The following STAU2 variants were observed in gnomAD, a reference collection of about 807,000 sequenced individuals.
STAU2 encodes the protein double-stranded RNA-binding protein Staufen homolog 2.
A neutral mutation model predicts 65.9 loss-of-function variants in STAU2; 20 were observed. The ratio of observed to expected loss-of-function variants is 0.30; its 90% CI spans 0.21 to 0.44. The LOEUF is 0.44. Ranked by LOEUF, STAU2 falls within the 20% of genes least tolerant of loss-of-function variation. STAU2 has a pLI of 1.00. For missense variants in STAU2, 558 were observed against 683.9 expected, an observed-to-expected ratio of 0.82 and a Z score of 2.05; for synonymous variants, 232 against 233.9, an observed-to-expected ratio of 0.99 and a Z score of 0.07.
At chr8:73,614,040 C>A in intron 8 of STAU2, 84 bp from the exon 9 acceptor site, 2 of 1,067,886 alleles carry the variant, frequency 1.9e-6, no homozygotes, top group Non-Finnish European at 2.6e-6. Flanking sequence ...CATATCAAAA[C>A]CAAAATTAGT....
chr8:73,605,305 TC>T (rs1811927027), intron 9 of STAU2, among the ~76,000 whole-genome samples: 3 of 149,026 alleles, frequency 2.0e-5, no homozygotes, highest in Non-Finnish European at 3.0e-5. Flanking sequence ...TAGGCTTTTT[TC>T]CTTTTTTTTT....
At chr8:73,642,564 T>C (rs1262178978) in intron 6 of STAU2, among the ~76,000 whole-genome samples, 1 of 152,022 alleles carries the variant, frequency 6.6e-6, no homozygotes, top group Non-Finnish European at 1.5e-5. Flanking sequence ...CTTCTGAAAA[T>C]GAAGACCAAA....
chr8:73,618,815 G>T (rs1813023194), intron 6 of STAU2, among the ~76,000 whole-genome samples: 1 of 152,218 alleles, frequency 6.6e-6, no homozygotes, highest in Admixed American at 6.5e-5. Context: ...GATGAATTTT[G>T]AAAGTAGAGA....
intron 5 of STAU2, among the ~76,000 whole-genome samples, chr8:73,683,712 A>AAT (rs1242519410): frequency 6.6e-6 from 1 of 152,182 alleles, no homozygotes; most frequent in Admixed American, 6.5e-5. Context: ...AGAAAACCCT[A>AAT]AAGACTCAAC....
chr8:73,660,646 G>C (rs559375088), intron 6 of STAU2, among the ~76,000 whole-genome samples: 121 of 152,304 alleles, frequency 7.9e-4, no homozygotes, highest in African/African-American at 2.9e-3. Flanking sequence ...AGCTAGACAA[G>C]GCAGAAGAGG....
chr8:73,543,776 T>C (rs543831762), intron 13 of STAU2, among the ~76,000 whole-genome samples: 1 of 152,296 alleles, frequency 6.6e-6, no homozygotes, highest in South Asian at 2.1e-4. Context: ...ATGAATCCCT[T>C]ACATGTTAGT....
intron 1 of STAU2, among the ~76,000 whole-genome samples, chr8:73,742,045 C>T (rs1462126217): frequency 6.6e-6 from 1 of 152,182 alleles, no homozygotes; most frequent in African/African-American, 2.4e-5. Context: ...TTTAGATTTA[C>T]ATCAATTTAA....
intron 13 of STAU2, among the ~76,000 whole-genome samples, chr8:73,548,507 C>T (rs1437590233): frequency 6.6e-6 from 1 of 152,036 alleles, no homozygotes; most frequent in African/African-American, 2.4e-5. Context: ...TTAAACTCCA[C>T]AAAAGGAGGC....
intron 5 of STAU2, among the ~76,000 whole-genome samples, chr8:73,674,726 A>G (rs2130424455): frequency 6.6e-6 from 1 of 150,480 alleles, no homozygotes; most frequent in East Asian, 1.9e-4. Flanking sequence ...AAATATACAT[A>G]AAATAGACTA....
chr8:73,628,966 G>A (rs189156788), intron 6 of STAU2, among the ~76,000 whole-genome samples: 1 of 152,262 alleles, frequency 6.6e-6, no homozygotes, highest in East Asian at 1.9e-4. Context: ...AAAGTAACAT[G>A]GAGACATTAC....
chr8:73,652,724 C>CCA (rs1563483237), intron 6 of STAU2: 1 of 96,298 alleles, frequency 1.0e-5, no homozygotes, highest in Non-Finnish European at 2.3e-5. Context: ...GACTCTGTCC[C>CCA]AAAAAAAAAA....
At chr8:73,511,948 G>A (rs568758703) in intron 13 of STAU2, among the ~76,000 whole-genome samples, 2 of 152,074 alleles carry the variant, frequency 1.3e-5, no homozygotes, top group East Asian at 1.9e-4. Flanking sequence ...ATGAGGTAAG[G>A]CTCCAAATTC....
At chr8:73,606,683 G>A (rs955356661) in intron 9 of STAU2, among the ~76,000 whole-genome samples, 2 of 152,178 alleles carry the variant, frequency 1.3e-5, no homozygotes, top group Non-Finnish European at 2.9e-5. Context: ...AACTAAAGTT[G>A]ACTATATACC....
chr8:73,422,188 G>A (rs1816433373), intron 14 of STAU2, among the ~76,000 whole-genome samples: 1 of 152,178 alleles, frequency 6.6e-6, no homozygotes, highest in African/African-American at 2.4e-5. Context: ...GCCGAGGGGA[G>A]GGGCGCCTCC....
At position 73,687,341 on chromosome 8, in the gene STAU2, T is replaced by TA. The variant is rs1563506812; in HGVS notation, c.274+1312dup. On this transcript the variant is annotated intron_variant, in intron 5 of 14. Coordinates refer to ENST00000524300, the MANE Select transcript of STAU2 (RefSeq NM_001164380.2). ...TATTTATATTTATAAATATAATTTA[T>TA]ATTTATAATTTATATAATATAAATA... is the stretch of plus-strand genomic sequence containing the variant. 8.5e-4 allele frequency among the ~76,000 whole-genome samples: 76 copies of TA among 89,406 alleles called. 1 individual carries two copies. The East Asian group carries it at 0.011, about 13-fold the overall frequency. 58.7% of individuals were successfully genotyped at this position (89,406 alleles called of 152,430 possible).
chr8:73,492,167 C>A (rs961435295), intron 13 of STAU2, among the ~76,000 whole-genome samples: 1 of 151,852 alleles, frequency 6.6e-6, no homozygotes. Context: ...AACAATAAAG[C>A]ATTTCTTTGT....
intron 13 of STAU2, among the ~76,000 whole-genome samples, chr8:73,456,891 C>T (rs1405471314): frequency 5.9e-5 from 9 of 152,188 alleles, no homozygotes; most frequent in South Asian, 2.1e-4. Flanking sequence ...GGGAATCACA[C>T]GCAGTGTACC....
At chr8:73,478,902 T>G (rs1820459685) in intron 13 of STAU2, among the ~76,000 whole-genome samples, 1 of 152,186 alleles carries the variant, frequency 6.6e-6, no homozygotes, top group Non-Finnish European at 1.5e-5. Context: ...ATGGCTATAT[T>G]TTAAATTATT....
intron 13 of STAU2, among the ~76,000 whole-genome samples, chr8:73,481,307 G>A (rs962032765): frequency 3.3e-5 from 5 of 152,004 alleles, no homozygotes; most frequent in African/African-American, 1.2e-4. Context: ...AGAGTCTAAG[G>A]AAAGCACAAC....
Sources: gnomAD v4.1 joint callset for allele counts (sites outside exome capture counted in the v4.1 genomes callset) on GRCh38, gnomAD v4.1.1 for gene constraint, MANE v1.5 for transcripts, NCBI Gene and HGNC (gene_info 2026-07-23, HGNC 2026-07-21) for gene names.